Variants in FAM107A observed in about 807,000 individuals in gnomAD.
FAM107A encodes the protein actin-associated protein FAM107A.
A neutral mutation model predicts 13.7 loss-of-function variants in FAM107A; 19 were observed. That is an observed-to-expected ratio of 1.38 (90% confidence interval 0.97 to 2.03). The LOEUF (loss-of-function observed/expected upper bound fraction) is 2.03, where lower values mean the gene tolerates loss of function less well. Among genes scored for constraint, FAM107A ranks in the 30% most tolerant of loss-of-function variants. FAM107A has a pLI of 0.00. For synonymous variants in FAM107A, 82 were observed against 74.5 expected, an observed-to-expected ratio of 1.10 and a Z score of -0.52; for missense variants, 203 against 184.4, an observed-to-expected ratio of 1.10 and a Z score of -0.58.
chr3:58,622,236 C>G (rs1409657260), intron 1 of FAM107A, among the ~76,000 whole-genome samples: 1 of 152,032 alleles, frequency 6.6e-6, no homozygotes, highest in African/African-American at 2.4e-5. Flanking sequence ...GTCAGGAGTT[C>G]GAGACCAGCC....
At chr3:58,620,117 A>G (rs1357103521) in intron 1 of FAM107A, among the ~76,000 whole-genome samples, 1 of 152,202 alleles carries the variant, frequency 6.6e-6, no homozygotes, top group Non-Finnish European at 1.5e-5. Flanking sequence ...CTTCTATGTC[A>G]CAATGGTAAA....
At chr3:58,568,027 C>T (rs1033092593) in intron 2 of FAM107A, among the ~76,000 whole-genome samples, 1 of 152,126 alleles carries the variant, frequency 6.6e-6, no homozygotes, top group Non-Finnish European at 1.5e-5. Flanking sequence ...GCCTTGAACT[C>T]CTGGGATCAA....
At chr3:58,597,309 T>C (rs114747132) in intron 1 of FAM107A, among the ~76,000 whole-genome samples, 17 of 152,354 alleles carry the variant, frequency 1.1e-4, no homozygotes, top group African/African-American at 3.8e-4. Context: ...ACTTTTGACA[T>C]CTTTACAACA....
At chr3:58,576,101 C>T (rs1464288448) in intron 1 of FAM107A, among the ~76,000 whole-genome samples, 1 of 152,214 alleles carries the variant, frequency 6.6e-6, no homozygotes, top group East Asian at 1.9e-4. Flanking sequence ...GGGAAAGTGC[C>T]TATTTGTATT....
rs887613826 is a variant in FAM107A, at chr3:58,565,908, C to T, written c.*680G>A. On this transcript the variant is annotated 3_prime_UTR_variant, in exon 4 of 4. Transcript: ENST00000360997. ...CAAGTTTGTGAGGCACCGCTGCAGA[C>T]TTCTGAGTGCAGGAATGCGGCAGCC... The T allele has an allele frequency of 6.6e-6, 1 of 152,226 alleles. No individual in the cohort carries two copies. Among genetic ancestry groups the T allele is most frequent in the Non-Finnish European group, 1.5e-5 (1 of 68,052 alleles). 9.4% of individuals were successfully genotyped at this position (152,226 alleles called of 1,614,324 possible).
chr3:58,582,203 T>G (rs1559479463), upstream of FAM107A, among the ~76,000 whole-genome samples: 2 of 152,256 alleles, frequency 1.3e-5, no homozygotes, highest in East Asian at 3.8e-4. Flanking sequence ...CTTTTTAGTA[T>G]AGTCCATGAC....
intron 1 of FAM107A, among the ~76,000 whole-genome samples, chr3:58,592,813 G>A (rs1156468904): frequency 6.6e-6 from 1 of 152,144 alleles, no homozygotes; most frequent in East Asian, 1.9e-4. Flanking sequence ...ATGTTACAGG[G>A]TAAAGTCCAT....
upstream of FAM107A, among the ~76,000 whole-genome samples, chr3:58,581,196 A>C (rs1383466793): frequency 6.6e-6 from 1 of 152,202 alleles, no homozygotes; most frequent in East Asian, 1.9e-4. Context: ...TCAAAGGGGG[A>C]AGCCCAGGGG....
Position 58,567,190 on chromosome 3 carries a change from T to C in FAM107A, c.327+18A>G. On this transcript the variant is annotated intron_variant, in intron 3 of 3. Transcript: ENST00000360997. ...GCCCTGGAGGATGCGTGGTCCCTGC[T>C]GGGTGCCCATCACCCACCTGGTTCA... The C allele has an allele frequency of 1.9e-6, 3 of 1,614,162 alleles. No individual in the cohort carries two copies. The highest frequency in any genetic ancestry group is 2.5e-6 in the Non-Finnish European group (3 of 1,179,996).
intron 1 of FAM107A, chr3:58,627,176 C>G: frequency 1.6e-6 from 1 of 629,082 alleles, no homozygotes. Context: ...CCCGGAGCGC[C>G]TCAGACAGGC....
intron 1 of FAM107A, among the ~76,000 whole-genome samples, chr3:58,594,947 C>A (rs765093981): frequency 1.3e-5 from 2 of 152,094 alleles, no homozygotes; most frequent in Non-Finnish European, 2.9e-5. Flanking sequence ...TCCTTTAATA[C>A]CTGTTTTCCT....
chr3:58,567,249 AG>A lies in FAM107A; in HGVS notation c.285del (p.Phe96LeufsTer6). The A allele has an allele frequency of 6.2e-7, 1 of 1,614,140 alleles. No homozygotes were observed. The highest frequency in any genetic ancestry group is 8.5e-7 in the Non-Finnish European group (1 of 1,180,012). ...TGCCGTCTCAGCAGCTCCTGCTCAA[AG>A]GGGCACTGCAGCCGCTTGGCTTCCA... ...EELEAKRLQC[P>X]FEQELLRRQQ... On this transcript the variant is annotated frameshift_variant, in exon 3 of 4. Coordinates refer to ENST00000360997, the MANE Select transcript of FAM107A (RefSeq NM_001076778.3). LOFTEE classifies it high-confidence loss of function.
At chr3:58,601,728 C>T (rs934548358) in intron 1 of FAM107A, among the ~76,000 whole-genome samples, 13 of 152,066 alleles carry the variant, frequency 8.5e-5, no homozygotes, top group African/African-American at 3.1e-4. Context: ...TATGTACAAT[C>T]GCATGTTAAA....
At chr3:58,599,077 G>GA (rs2065730690) in intron 1 of FAM107A, among the ~76,000 whole-genome samples, 1 of 152,092 alleles carries the variant, frequency 6.6e-6, no homozygotes, top group Non-Finnish European at 1.5e-5. Flanking sequence ...GAGTAGCTGG[G>GA]ATTACAGGCA....
At chr3:58,619,005 ATT>A (rs199811140) in intron 1 of FAM107A, among the ~76,000 whole-genome samples, 3 of 151,480 alleles carry the variant, frequency 2.0e-5, no homozygotes, top group Non-Finnish European at 4.4e-5. Context: ...CATAGTTGTG[ATT>A]TTTTTTTCCT....
chr3:58,627,093 G>A (rs1053492934), intron 1 of FAM107A: 25 of 1,205,486 alleles, frequency 2.1e-5, no homozygotes, highest in Admixed American at 6.2e-5. Flanking sequence ...AGGGGCTCCC[G>A]GGGCGAGGGC....
chr3:58,615,515 A>G (rs2065893144), intron 1 of FAM107A, among the ~76,000 whole-genome samples: 1 of 152,230 alleles, frequency 6.6e-6, no homozygotes, highest in African/African-American at 2.4e-5. Flanking sequence ...ACAGTTAAAT[A>G]ACCAAAGAAG....
At chr3:58,623,507 G>A (rs1278939354) in intron 1 of FAM107A, among the ~76,000 whole-genome samples, 1 of 152,226 alleles carries the variant, frequency 6.6e-6, no homozygotes, top group Non-Finnish European at 1.5e-5. Flanking sequence ...TGAGTGCTGG[G>A]CACCTCGCCC....
chr3:58,619,518 C>A (rs2108085343), intron 1 of FAM107A, among the ~76,000 whole-genome samples: 1 of 152,316 alleles, frequency 6.6e-6, no homozygotes, highest in African/African-American at 2.4e-5. Context: ...CAGGCCTTGG[C>A]AGATGCTGTT....
Sources: gnomAD v4.1 joint callset for allele counts (sites outside exome capture counted in the v4.1 genomes callset) on GRCh38, gnomAD v4.1.1 for gene constraint, MANE v1.5 for transcripts, NCBI Gene and HGNC (gene_info 2026-07-23, HGNC 2026-07-21) for gene names.